The following RADIL variants were observed in gnomAD, a reference collection of about 807,000 sequenced individuals.
RADIL encodes the protein Rap associating with DIL domain.
RADIL carries 99 observed loss-of-function variants against 97.6 expected under a neutral mutation model. The observed-to-expected ratio is 1.01, with a 90% CI of 0.86 to 1.20. The LOEUF (loss-of-function observed/expected upper bound fraction) is 1.20, where lower values mean the gene tolerates loss of function less well. Ranked by LOEUF, RADIL falls within the 50% of genes most tolerant of loss-of-function variation. The pLI is 0.00. For synonymous variants in RADIL, 803 were observed against 691.8 expected (o/e 1.16, Z -2.52); for missense variants, 1,765 against 1,498.9 (o/e 1.18, Z -2.93).
intron 2 of RADIL, among the ~76,000 whole-genome samples, chr7:4,843,911 C>CAA (rs36122253): frequency 1.3e-4 from 13 of 97,664 alleles, no homozygotes; most frequent in African/African-American, 1.9e-4. Flanking sequence ...GACTCCATTT[C>CAA]AAAAAAAAAA....
In RADIL at chr7:4,821,560, C is replaced by T. The variant is rs1431038733; in HGVS notation, c.1615+834G>A. Reference sequence around the variant, plus strand: ...AGTATTTTCAGAACACTTCCTACTGCATTTCAGAAATCCTGAAATGGTGGC... The same window carrying T: ...AGTATTTTCAGAACACTTCCTACTGTATTTCAGAAATCCTGAAATGGTGGC... On this transcript the variant is annotated intron_variant, in intron 6 of 14. Coordinates refer to ENST00000399583, the MANE Select transcript of RADIL (RefSeq NM_018059.5). This position sits in a 1 kb window ranked among gnomAD's most constrained non-coding sequence, Gnocchi z 5.2. Among the ~76,000 whole-genome samples the T allele has an allele frequency of 6.6e-6, 1 of 152,188 alleles. No individual in the cohort carries two copies. Among genetic ancestry groups the T allele is most frequent in the South Asian group, 2.1e-4 (1 of 4,832 alleles).
intron 10 of RADIL, chr7:4,804,127 C>T: frequency 3.1e-6 from 1 of 323,528 alleles, no homozygotes; most frequent in South Asian, 2.9e-5. Context: ...GCAAGCTCCT[C>T]CCAGGGCTGG....
At chr7:4,809,622 C>T in intron 9 of RADIL, 9 of 985,240 alleles carry the variant, frequency 9.1e-6, no homozygotes, top group Non-Finnish European at 1.1e-5. Flanking sequence ...ACTCCTTCAG[C>T]TCAACCTGCC....
rs1028385626 is a variant in RADIL, at chr7:4,880,721, G to A, written c.-64-2518C>T. 2.0e-5 allele frequency among the ~76,000 whole-genome samples: 3 copies of A among 152,212 alleles called. No homozygotes were observed. Among genetic ancestry groups the A allele is most frequent in the Non-Finnish European group, 4.4e-5 (3 of 68,046 alleles). ...ACAGCCTCTGCCACCAGGCAGCTGT[G>A]GCTCAGGAAACCTCTGCCTCCGGAG... On this transcript the variant is annotated intron_variant, in intron 1 of 14. Coordinates refer to ENST00000399583, the MANE Select transcript of RADIL (RefSeq NM_018059.5). This position sits in a 1 kb window ranked among gnomAD's most constrained non-coding sequence, Gnocchi z 4.5.
intron 9 of RADIL, among the ~76,000 whole-genome samples, chr7:4,810,869 C>T (rs1400154794): frequency 2.0e-5 from 3 of 152,222 alleles, no homozygotes; most frequent in African/African-American, 7.2e-5. Flanking sequence ...GGCGTGGTGG[C>T]TCACACCTGT....
At chr7:4,855,560 G>A (rs1400843527) in intron 2 of RADIL, among the ~76,000 whole-genome samples, 2 of 145,254 alleles carry the variant, frequency 1.4e-5, no homozygotes, top group African/African-American at 5.1e-5. Flanking sequence ...CACCGCGTTC[G>A]AGTTTCCGTT....
chr7:4,852,436 T>A (rs1475639208), intron 2 of RADIL, among the ~76,000 whole-genome samples: 1 of 152,034 alleles, frequency 6.6e-6, no homozygotes, highest in Non-Finnish European at 1.5e-5. Context: ...TTACCTTCCG[T>A]TTCCTCCTAT....
intron 9 of RADIL, among the ~76,000 whole-genome samples, chr7:4,810,670 A>G (rs954303460): frequency 2.0e-5 from 3 of 152,226 alleles, no homozygotes; most frequent in East Asian, 1.9e-4. Flanking sequence ...AAATTGCTCA[A>G]TCGGAGCACA....
intron 2 of RADIL, among the ~76,000 whole-genome samples, chr7:4,855,747 T>C (rs1783813319): frequency 6.6e-6 from 1 of 151,916 alleles, no homozygotes; most frequent in African/African-American, 2.4e-5. Context: ...TTCCGTGAAG[T>C]GCTTATGCGC....
Position 4,873,298 on chromosome 7 carries a change from C to G in RADIL, c.535+4307G>C, listed in dbSNP as rs1241562781. Among the ~76,000 whole-genome samples, 2 of 152,138 alleles carry G rather than the reference C, an allele frequency of 1.3e-5. No homozygotes were observed. Among genetic ancestry groups the G allele is most frequent in the Non-Finnish European group, 2.9e-5 (2 of 68,022 alleles). On this transcript the variant is annotated intron_variant, in intron 2 of 14. Transcript: ENST00000399583. The surrounding 1 kb of genome is among the most constrained non-coding windows in gnomAD (Gnocchi z 4.3). ...AAAACAGTGTTACAGTGTTGAGCAA[C>G]CTGGGGCTGGACTCGTTAACACAAA...
intron 2 of RADIL, chr7:4,865,350 C>A: frequency 1.7e-6 from 1 of 573,522 alleles, no homozygotes; most frequent in Non-Finnish European, 3.2e-6. Flanking sequence ...TTTACTGTTT[C>A]TTTTCTGTGT....
In RADIL at chr7:4,844,335, C is replaced by G. The variant is rs907167547; in HGVS notation, c.536-7730G>C. ...TGGCACGCGCCTGTAGTCCCAGCTA[C>G]TCGGGAGGCTGAGGCAGGAGAATTG... On this transcript the variant is annotated intron_variant, in intron 2 of 14. Coordinates refer to ENST00000399583, the MANE Select transcript of RADIL (RefSeq NM_018059.5). 6.6e-5 allele frequency among the ~76,000 whole-genome samples: 10 copies of G among 151,852 alleles called. 1 individual carries two copies. The highest frequency in any genetic ancestry group is 1.3e-4 in the Non-Finnish European group (9 of 67,974).
At chr7:4,874,691 G>A (rs1008487967) in intron 2 of RADIL, among the ~76,000 whole-genome samples, 9 of 152,230 alleles carry the variant, frequency 5.9e-5, no homozygotes, top group South Asian at 2.1e-4. Flanking sequence ...AAACCGCCAC[G>A]AGCTTAGACA....
intron 2 of RADIL, among the ~76,000 whole-genome samples, chr7:4,845,784 C>T (rs78016015): frequency 0.015 from 2,236 of 152,294 alleles, 29 homozygotes; most frequent in South Asian, 0.025. Flanking sequence ...CAACTGAAAA[C>T]CTAATTAAGA....
rs1054892996 is a variant in RADIL, at chr7:4,813,140, G to A, written c.2139+2138C>T. Among the ~76,000 whole-genome samples the A allele has an allele frequency of 6.7e-6, 1 of 149,644 alleles. No individual in the cohort carries two copies. Among genetic ancestry groups the A allele is most frequent in the Non-Finnish European group, 1.5e-5 (1 of 67,632 alleles). ...TTCTTTTCTTTCTTTCATAGTTGAG[G>A]TCTTCCTCTGTTGCCCAGGCTGGAG... On this transcript the variant is annotated intron_variant, in intron 9 of 14. Transcript: ENST00000399583. The surrounding 1 kb of genome is among the most constrained non-coding windows in gnomAD (Gnocchi z 5.0).
rs1341838926 is a variant in RADIL at position 4,867,585 on chromosome 7, A to C, written c.535+10020T>G. 6.6e-6 allele frequency among the ~76,000 whole-genome samples: 1 copy of C among 152,120 alleles called. No individual in the cohort carries two copies. Among genetic ancestry groups the C allele is most frequent in the Non-Finnish European group, 1.5e-5 (1 of 68,018 alleles). On this transcript the variant is annotated intron_variant, in intron 2 of 14. Coordinates refer to ENST00000399583, the MANE Select transcript of RADIL (RefSeq NM_018059.5). This position sits in a 1 kb window ranked among gnomAD's most constrained non-coding sequence, Gnocchi z 4.1. Reference sequence around the variant, plus strand: ...CACTTGAGCCCAGGAGTTTGAGACCAGTCTGGCAACATAGTGAGGCCCTGT... The same window carrying C: ...CACTTGAGCCCAGGAGTTTGAGACCCGTCTGGCAACATAGTGAGGCCCTGT...
intron 2 of RADIL, chr7:4,861,423 A>T: frequency 6.2e-7 from 1 of 1,614,194 alleles, no homozygotes; most frequent in Non-Finnish European, 8.5e-7. Context: ...GAGGTGAAAA[A>T]GTCGCTTCGA....
In RADIL at chr7:4,861,076, G is replaced by A. The variant is rs558978785; in HGVS notation, c.535+16529C>T. Reference sequence around the variant, plus strand: ...CTAGCATGGCCCAGGAAACACCTCCGAGGAAACCTAATATATTGGAATAGA... The same window carrying A: ...CTAGCATGGCCCAGGAAACACCTCCAAGGAAACCTAATATATTGGAATAGA... On this transcript the variant is annotated intron_variant, in intron 2 of 14. Coordinates refer to ENST00000399583, the MANE Select transcript of RADIL (RefSeq NM_018059.5). 67 of 1,614,192 alleles carry A rather than the reference G, an allele frequency of 4.2e-5. 1 individual carries two copies. In the South Asian group the frequency reaches 5.5e-4, roughly 13 times the overall value.
In RADIL at chr7:4,814,391, T is replaced by G. The variant is rs551819169; in HGVS notation, c.2139+887A>C. 2.6e-5 allele frequency among the ~76,000 whole-genome samples: 4 copies of G among 152,262 alleles called. No individual in the cohort carries two copies. The South Asian group carries it at 8.3e-4, about 32-fold the overall frequency. On this transcript the variant is annotated intron_variant, in intron 9 of 14. Transcript: ENST00000399583. The surrounding 1 kb of genome is among the most constrained non-coding windows in gnomAD (Gnocchi z 4.5). Reference sequence around the variant, plus strand: ...TGGAGTGCAGTGGCATGATCTCGGCTCACTGCAACCTCTGCCTCGCGGGTT... The same window carrying G: ...TGGAGTGCAGTGGCATGATCTCGGCGCACTGCAACCTCTGCCTCGCGGGTT...
Sources: allele counts gnomAD v4.1 joint callset (sites outside exome capture counted in the v4.1 genomes callset), GRCh38; gene constraint gnomAD v4.1.1; non-coding constraint Gnocchi (gnomAD v3.1); transcripts MANE v1.5; gene names NCBI Gene and HGNC (gene_info 2026-07-23, HGNC 2026-07-21).